STARD9: variants seen among roughly 807,000 people sequenced by gnomAD.
The protein encoded by STARD9 is StAR related lipid transfer domain containing 9.
STARD9 carries 346 observed loss-of-function variants against 399.8 expected under a neutral mutation model. The observed-to-expected ratio is 0.87, with a 90% confidence interval of 0.79 to 0.95. The LOEUF (loss-of-function observed/expected upper bound fraction) is 0.95, where lower values mean the gene tolerates loss of function less well. Among genes scored for constraint, STARD9 ranks in the 40% least tolerant of loss-of-function variants. The pLI, the probability that STARD9 is intolerant of heterozygous loss-of-function variation, is 0.00. For synonymous variants in STARD9, 2,203 were observed against 2,143.5 expected (o/e 1.03, Z -0.77); for missense variants, 5,832 against 5,667.5 (o/e 1.03, Z -0.93).
chr15:42,712,111 A>AT (rs55808206), intron 26 of STARD9, among the ~76,000 whole-genome samples: 1 of 3,180 alleles, frequency 3.1e-4, no homozygotes, highest in East Asian at 7.5e-3. Flanking sequence ...TATAATATAT[A>AT]ATATATAATA....
intron 15 of STARD9, among the ~76,000 whole-genome samples, chr15:42,668,534 C>T (rs952650706): frequency 2.0e-5 from 3 of 152,100 alleles, no homozygotes; most frequent in African/African-American, 4.8e-5. Context: ...AGGCTGGGTA[C>T]ATTTACTTTT....
chr15:42,674,599 A>G (rs570313596), intron 17 of STARD9, 108 bp downstream of exon 17: 1 of 1,240,954 alleles, frequency 8.1e-7, no homozygotes, highest in African/African-American at 1.5e-5. Context: ...TCATTGGCGT[A>G]TTCAGGGCCT....
intron 3 of STARD9, among the ~76,000 whole-genome samples, chr15:42,599,019 G>A (rs893258742): frequency 1.2e-4 from 18 of 152,074 alleles, no homozygotes; most frequent in Admixed American, 6.6e-5. Context: ...CGCCTCCCAG[G>A]TTCAAATGAT....
At position 42,695,793 on chromosome 15, in the gene STARD9, C is replaced by A; in HGVS notation, c.13197C>A (p.Ser4399Arg). The A allele has an allele frequency of 5.9e-6, 9 of 1,537,260 alleles. No homozygotes were observed. The highest frequency in any genetic ancestry group is 7.8e-6 in the Non-Finnish European group (9 of 1,146,886). Residue 4399 changes from serine (S) to arginine (R), a missense_variant, in exon 26 of 33, where the codon AGC (serine) becomes AGA (arginine). Ser to Arg is a moderately radical substitution (Grantham distance 110). Around this residue, in one of 2 missense-constraint regions of STARD9, gnomAD observed 5,828 missense variants for 5,651.1 expected, o/e 1.03. Transcript: ENST00000290607. ...CCAATTCCAGCTCCCTGTGCACCAG[C>A]TCTAATGGAAGCCTCTCGTCTGGCA... is the stretch of plus-strand genomic sequence containing the variant. Reference protein sequence around the residue: ...TLANSSSLCTSSNGSLSSGMT... With the variant: ...TLANSSSLCTRSNGSLSSGMT...
chr15:42,686,143 A>G lies in STARD9; in HGVS notation c.4565A>G (p.Gln1522Arg). 1 of 1,537,338 alleles carries G rather than the reference A, an allele frequency of 6.5e-7. No homozygotes were observed. Among genetic ancestry groups the G allele is most frequent in the South Asian group, 1.2e-5 (1 of 84,062 alleles). The change falls in exon 23 of 33, where the codon CAA becomes CGA. Residue 1522 changes from glutamine (Q) to arginine (R), a missense_variant. This residue lies in a region of STARD9 where 5,828 missense variants were observed against 5,651.1 expected (regional missense o/e 1.03). Transcript: ENST00000290607. ...GAGGAAGACTCTGGTTCCCTGGCCCAAGCTTCTAGCAAAGGAGGAGATACT... is the reference window on the plus strand; with the variant it reads ...GAGGAAGACTCTGGTTCCCTGGCCCGAGCTTCTAGCAAAGGAGGAGATACT... ...YLEEDSGSLA[Q>R]ASSKGGDTLL...
In STARD9 at chr15:42,688,178, A is replaced by G. The variant is rs2060607702; in HGVS notation, c.6600A>G (p.Pro2200=). Residue 2200 remains proline (P), a synonymous_variant, in exon 23 of 33, where the codon CCA becomes CCG. Coordinates refer to ENST00000290607, the MANE Select transcript of STARD9 (RefSeq NM_020759.3). ...CREFTNTSLH[P]QRMKALARAL... is the part of the protein sequence containing the mutation. The stretch of plus-strand genomic sequence containing the variant: ...AGTTCACCAACACTTCTCTTCACCC[A>G]CAGAGAATGAAAGCATTGGCTAGAG... 3 of 1,537,418 alleles carry G rather than the reference A, an allele frequency of 2.0e-6. No homozygotes were observed. The highest frequency in any genetic ancestry group is 1.2e-5 in the South Asian group (1 of 84,066).
chr15:42,596,903 C>T lies in STARD9; in HGVS notation c.234+11266C>T, dbSNP rs577807047. On this transcript the variant is annotated intron_variant, in intron 3 of 32. Coordinates refer to ENST00000290607, the MANE Select transcript of STARD9 (RefSeq NM_020759.3). ...CTAGAAAAGCCTTCCCTTTCTATAC[C>T]TCCCACTCATCTTATTCTCTAAACG... Among the ~76,000 whole-genome samples the T allele has an allele frequency of 6.4e-4, 98 of 152,204 alleles. 1 individual carries two copies. In the South Asian group the frequency reaches 0.016, roughly 24 times the overall value.
At chr15:42,610,703 C>G (rs781291256) in intron 3 of STARD9, among the ~76,000 whole-genome samples, 4 of 152,142 alleles carry the variant, frequency 2.6e-5, no homozygotes, top group Admixed American at 6.5e-5. Flanking sequence ...CCCGCCACCA[C>G]GCCCGACTTA....
chr15:42,618,350 C>T (rs4924688), intron 3 of STARD9, among the ~76,000 whole-genome samples: 1,921 of 151,898 alleles, frequency 0.013, 124 homozygotes, highest in Admixed American at 0.1. Flanking sequence ...CCAGGTTGGT[C>T]GTGAACTCCT....
Position 42,673,722 on chromosome 15 carries a change from G to A in STARD9, c.1498-718G>A, listed in dbSNP as rs543953990. 3.6e-3 allele frequency among the ~76,000 whole-genome samples: 552 copies of A among 152,308 alleles called. 6 individuals are homozygous for A. The highest frequency in any genetic ancestry group is 6.2e-3 in the Non-Finnish European group (422 of 68,034). Reference sequence around the variant, plus strand: ...ATGTCTAAAATTTAGCATCCCGGTTGCCATGTTGCTGCCTTTTCCTAACAT... The same window carrying A: ...ATGTCTAAAATTTAGCATCCCGGTTACCATGTTGCTGCCTTTTCCTAACAT... On this transcript the variant is annotated intron_variant, in intron 16 of 32. Coordinates refer to ENST00000290607, the MANE Select transcript of STARD9 (RefSeq NM_020759.3).
chr15:42,578,678 TTTAA>T (rs915870032), intron 1 of STARD9, among the ~76,000 whole-genome samples: 1 of 151,964 alleles, frequency 6.6e-6, no homozygotes, highest in Non-Finnish European at 1.5e-5. Flanking sequence ...AGATTTGGAG[TTTAA>T]TTAAAGTCAG....
chr15:42,699,290 C>T (rs1227901765), intron 26 of STARD9, among the ~76,000 whole-genome samples: 1 of 151,878 alleles, frequency 6.6e-6, no homozygotes, highest in Non-Finnish European at 1.5e-5. Flanking sequence ...AACTTTGTAC[C>T]TGTTGACCAT....
At chr15:42,581,528 GCGGCGGCGC>G in intron 1 of STARD9, 1 of 1,371,520 alleles carries the variant, frequency 7.3e-7, no homozygotes, top group Non-Finnish European at 1.0e-6. Flanking sequence ...TGGCGGGTAG[GCGGCGGCGC>G]CGGGCCGGTC....
chr15:42,685,929 C>T lies in STARD9; in HGVS notation c.4351C>T (p.Gln1451Ter). The stretch of plus-strand genomic sequence containing the variant: ...CAGATGTATCCCTGACATGACCCAG[C>T]AGGGCAGCTCTGAAGCATCCCACAA... ...QGRCIPDMTQ[Q>*]GSSEASHNSS... is the part of the protein sequence containing the mutation. Residue 1451 changes from glutamine to a stop codon, truncating the protein, a stop_gained, in exon 23 of 33, where the codon CAG becomes TAG. Coordinates refer to ENST00000290607, the MANE Select transcript of STARD9 (RefSeq NM_020759.3). LOFTEE classifies it high-confidence loss of function. 1.3e-6 allele frequency: 2 copies of T among 1,537,178 alleles called. No individual in the cohort carries two copies. The highest frequency in any genetic ancestry group is 1.7e-6 in the Non-Finnish European group (2 of 1,146,902).
chr15:42,586,181 T>A (rs142498831), intron 3 of STARD9, among the ~76,000 whole-genome samples: 1 of 152,182 alleles, frequency 6.6e-6, no homozygotes, highest in South Asian at 2.1e-4. Context: ...CTATGATAGG[T>A]GAACAGCCAT....
rs370868295 is a variant in STARD9 at position 42,606,755 on chromosome 15, C to T, written c.234+21118C>T. Among the ~76,000 whole-genome samples, 31 of 152,112 alleles carry T rather than the reference C, an allele frequency of 2.0e-4. No individual in the cohort carries two copies. In the East Asian group the frequency reaches 5.8e-3, roughly 28 times the overall value. On this transcript the variant is annotated intron_variant, in intron 3 of 32. Coordinates refer to ENST00000290607, the MANE Select transcript of STARD9 (RefSeq NM_020759.3). ...GGGATTACAGGTGTAAGCCACTGCGCCCAGCCTATTTTTAGTTTTGTATCC... is the reference window on the plus strand; with the variant it reads ...GGGATTACAGGTGTAAGCCACTGCGTCCAGCCTATTTTTAGTTTTGTATCC...
intron 26 of STARD9, among the ~76,000 whole-genome samples, chr15:42,712,192 T>C (rs2061256429): frequency 7.5e-6 from 1 of 133,468 alleles, no homozygotes; most frequent in Non-Finnish European, 1.5e-5. Context: ...ATTTTGTCTA[T>C]TTTAAGATTC....
intron 3 of STARD9, among the ~76,000 whole-genome samples, chr15:42,606,838 A>C (rs543220750): frequency 6.6e-6 from 1 of 152,206 alleles, no homozygotes; most frequent in Admixed American, 6.5e-5. Context: ...TCCCCTGAGT[A>C]GACCTAACTG....
At position 42,644,454 on chromosome 15, in the gene STARD9, C is replaced by G. The variant is rs186882062; in HGVS notation, c.559+5642C>G. ...ATTGCAGTGAGCCAGGATCACGCCA[C>G]TGCACTCCAGCCTGGGTGACAGAGT... is the stretch of plus-strand genomic sequence containing the variant. On this transcript the variant is annotated intron_variant, in intron 7 of 32. Transcript: ENST00000290607. 5.7e-3 allele frequency among the ~76,000 whole-genome samples: 869 copies of G among 151,742 alleles called. 9 individuals are homozygous for G. The highest frequency in any genetic ancestry group is 0.02 in the African/African-American group (833 of 41,322).
Sources: allele counts gnomAD v4.1 joint callset (sites outside exome capture counted in the v4.1 genomes callset), GRCh38; gene constraint gnomAD v4.1.1; regional missense constraint gnomAD v4.1.1; transcripts MANE v1.5; gene names NCBI Gene and HGNC (gene_info 2026-07-23, HGNC 2026-07-21).